The following ZC3H18 variants were observed in gnomAD, a reference collection of about 807,000 sequenced individuals.
The protein encoded by ZC3H18 is zinc finger CCCH domain-containing protein 18.
A neutral mutation model predicts 106.1 loss-of-function variants in ZC3H18; 8 were observed. That is an observed-to-expected ratio of 0.08 (90% CI 0.04 to 0.14). The LOEUF (loss-of-function observed/expected upper bound fraction) is 0.14, where lower values mean the gene tolerates loss of function less well. Ranked by LOEUF, ZC3H18 falls within the 10% of genes least tolerant of loss-of-function variation. The pLI is 1.00. For missense variants in ZC3H18, 1,318 were observed against 1,278.4 expected, an observed-to-expected ratio of 1.03 and a Z score of -0.47; for synonymous variants, 635 against 522.1, an observed-to-expected ratio of 1.22 and a Z score of -2.95.
chr16:88,602,277 G>A (rs971487649), intron 6 of ZC3H18, among the ~76,000 whole-genome samples: 1 of 152,236 alleles, frequency 6.6e-6, no homozygotes, highest in Non-Finnish European at 1.5e-5. Flanking sequence ...CACAGAAGAG[G>A]CCAAGCCAGC....
intron 1 of ZC3H18, among the ~76,000 whole-genome samples, chr16:88,573,827 C>T (rs936069976): frequency 5.3e-5 from 8 of 151,770 alleles, no homozygotes; most frequent in African/African-American, 1.9e-4. Context: ...TTTTAAGTGA[C>T]TTGGAATGGA....
In ZC3H18 at chr16:88,630,764, C is replaced by CA. The variant is rs1395327170; in HGVS notation, c.2663+183_2663+184insA. 4.4e-3 allele frequency among the ~76,000 whole-genome samples: 485 copies of CA among 110,840 alleles called. 30 individuals carry two copies. The highest frequency in any genetic ancestry group is 0.012 in the African/African-American group (387 of 32,868). 72.7% of individuals were successfully genotyped at this position (110,840 alleles called of 152,430 possible). A position where few individuals can be genotyped will look rare whatever the true frequency, so the allele number is the denominator to read the frequency against. On this transcript the variant is annotated intron_variant, in intron 17 of 17. Coordinates refer to ENST00000301011, the MANE Select transcript of ZC3H18 (RefSeq NM_144604.4). The stretch of plus-strand genomic sequence containing the variant: ...TTGCAGCCCCACCCCCCACCCCCCC[C>CA]CACACACACACACACGCTCCTGCCC...
chr16:88,615,833 G>A (rs920526859), intron 8 of ZC3H18, among the ~76,000 whole-genome samples: 21 of 152,210 alleles, frequency 1.4e-4, no homozygotes, highest in African/African-American at 5.1e-4. Context: ...GCAGCCGGGG[G>A]CTCTTCCCAG....
intron 2 of ZC3H18, among the ~76,000 whole-genome samples, chr16:88,585,647 C>T (rs1157202075): frequency 2.0e-5 from 3 of 152,066 alleles, no homozygotes; most frequent in Admixed American, 1.3e-4. Context: ...GGGAAGAACG[C>T]GGTCAGGCCT....
chr16:88,607,047 G>C (rs1905043163), intron 6 of ZC3H18, among the ~76,000 whole-genome samples: 1 of 152,182 alleles, frequency 6.6e-6, no homozygotes, highest in African/African-American at 2.4e-5. Context: ...ATGCAGAGTT[G>C]TGGGCCCCGC....
At chr16:88,613,072 T>C (rs1905361965) in intron 8 of ZC3H18, among the ~76,000 whole-genome samples, 1 of 152,238 alleles carries the variant, frequency 6.6e-6, no homozygotes, top group Admixed American at 6.5e-5. Flanking sequence ...CCCAGTCTCT[T>C]AGCAGCTTTG....
chr16:88,581,036 C>T (rs1000317096), intron 2 of ZC3H18, among the ~76,000 whole-genome samples: 13 of 152,234 alleles, frequency 8.5e-5, no homozygotes, highest in Non-Finnish European at 1.9e-4. Flanking sequence ...CCCTGCATGC[C>T]TGCAGCCTCG....
At chr16:88,585,996 T>C (rs777980711) in intron 2 of ZC3H18, among the ~76,000 whole-genome samples, 27 of 151,810 alleles carry the variant, frequency 1.8e-4, no homozygotes, top group Non-Finnish European at 2.4e-4. Flanking sequence ...CCTGGGACAG[T>C]GGGTGGCTTG....
At chr16:88,600,038 G>A (rs960599026) in intron 6 of ZC3H18, 90 bp downstream of exon 6, 31 of 1,490,364 alleles carry the variant, frequency 2.1e-5, no homozygotes, top group Admixed American at 4.1e-5. Context: ...CCCAGGGTGC[G>A]CTCGGCTGAG....
At position 88,608,948 on chromosome 16, in the gene ZC3H18, C is replaced by A. The variant is rs1905143562; in HGVS notation, c.1103C>A (p.Ala368Glu). 8 of 1,613,178 alleles carry A rather than the reference C, an allele frequency of 5.0e-6. No homozygotes were observed. The South Asian group carries it at 8.8e-5, about 18-fold the overall frequency. Residue 368 changes from alanine (A) to glutamate (E), a missense_variant, in exon 7 of 18, where the codon GCA becomes GAA. By Grantham distance (107) the Ala-to-Glu change is moderately radical (BLOSUM62 -1). Transcript: ENST00000301011. ...DVRDTVLEPY[A>E]DPYYDYEIER... ...GCCCTTTTCAGACTCGAGCCTTACG[C>A]AGACCCTTATTATGACTATGAAATT... is the stretch of plus-strand genomic sequence containing the variant.
intron 11 of ZC3H18, 121 bp from the exon 12 acceptor site, chr16:88,624,481 C>T: frequency 2.1e-6 from 3 of 1,420,524 alleles, no homozygotes; most frequent in Admixed American, 2.0e-5. Context: ...CACGAGCGTG[C>T]TCACCGAGCG....
rs574906810 is a variant in ZC3H18, at chr16:88,627,450, G to T, written c.2109-172G>T. 7 of 818,076 alleles carry T rather than the reference G, an allele frequency of 8.6e-6. No homozygotes were observed. Among genetic ancestry groups the T allele is most frequent in the African/African-American group, 6.8e-5 (4 of 58,554 alleles). The allele number at this position is 818,076 out of a possible 1,614,324, so 50.7% of individuals were successfully genotyped here. ...AATGGGGCCCTGGCCTAGCCATGGG[G>T]ACGTCCCTTACTTTGTAACCCTGAA... On this transcript the variant is annotated intron_variant, in intron 13 of 17. Transcript: ENST00000301011. This position sits in a 1 kb window ranked among gnomAD's most constrained non-coding sequence, Gnocchi z 4.5.
chr16:88,571,412 C>G (rs954122064), intron 1 of ZC3H18, among the ~76,000 whole-genome samples: 2 of 152,208 alleles, frequency 1.3e-5, no homozygotes, highest in African/African-American at 2.4e-5. Context: ...TCACCTCCAG[C>G]CTGTTGTCTG....
chr16:88,624,720 C>T lies in ZC3H18; in HGVS notation c.2017C>T (p.Arg673Trp), dbSNP rs146372021. ...GDPREARRKERPARTPPRRRT... is the reference protein window; with the variant it reads ...GDPREARRKEWPARTPPRRRT... ...CCCTCGGGAAGCCAGGAGGAAGGAG[C>T]GGCCAGCCAGGACCCCCCCCAGGAG... The change falls in exon 12 of 18, where the codon CGG (arginine) becomes TGG (tryptophan). Residue 673 changes from arginine (R) to tryptophan (W), a missense_variant. Physicochemically the swap from Arg to Trp is moderately radical, Grantham distance 101. Transcript: ENST00000301011. 57 of 1,612,876 alleles carry T rather than the reference C, an allele frequency of 3.5e-5. No homozygotes were observed. Among genetic ancestry groups the T allele is most frequent in the Non-Finnish European group, 4.6e-5 (54 of 1,179,710 alleles).
Position 88,631,714 on chromosome 16 carries a change from T to C in ZC3H18, c.*415T>C, listed in dbSNP as rs922026158. On this transcript the variant is annotated 3_prime_UTR_variant, in exon 18 of 18. Coordinates refer to ENST00000301011, the MANE Select transcript of ZC3H18 (RefSeq NM_144604.4). The stretch of plus-strand genomic sequence containing the variant: ...GAAACGGAACCTCGCGAACCACTGG[T>C]GGCACATCCTTCTCCTCCCCCGCCC... 9.1e-5 allele frequency: 40 copies of C among 438,214 alleles called. No individual in the cohort carries two copies. The Admixed American group carries it at 1.1e-3, about 12-fold the overall frequency. The allele number at this position is 438,214 out of a possible 1,614,324, so 27.1% of individuals were successfully genotyped here.
chr16:88,578,921 C>T (rs1279264774), intron 2 of ZC3H18, among the ~76,000 whole-genome samples: 1 of 152,216 alleles, frequency 6.6e-6, no homozygotes, highest in Non-Finnish European at 1.5e-5. Flanking sequence ...CTCCTGACCT[C>T]AGGTGATCCG....
intron 6 of ZC3H18, among the ~76,000 whole-genome samples, chr16:88,600,532 G>C (rs1904694020): frequency 6.6e-6 from 1 of 152,192 alleles, no homozygotes; most frequent in Non-Finnish European, 1.5e-5. Flanking sequence ...TCCTGCTTCA[G>C]CCTCCTGAGT....
At chr16:88,630,365 G>T in intron 16 of ZC3H18, 120 bp from the exon 17 acceptor site, 1 of 666,750 alleles carries the variant, frequency 1.5e-6, no homozygotes, top group Non-Finnish European at 2.6e-6. Flanking sequence ...TTATAAAAAT[G>T]AAGGTGGTGA....
intron 10 of ZC3H18, 182 bp from the exon 11 acceptor site, chr16:88,623,776 C>G (rs535811896): frequency 7.1e-4 from 837 of 1,176,092 alleles, no homozygotes; most frequent in Non-Finnish European, 8.9e-4. Flanking sequence ...TCCACGCTCT[C>G]TGGTCTACTC....
Sources: allele counts gnomAD v4.1 joint callset (sites outside exome capture counted in the v4.1 genomes callset), GRCh38; gene constraint gnomAD v4.1.1; non-coding constraint Gnocchi (gnomAD v3.1); transcripts MANE v1.5; gene names NCBI Gene and HGNC (gene_info 2026-07-23, HGNC 2026-07-21).